Variants in CSMD1 observed in about 807,000 individuals in gnomAD.
CSMD1 encodes the protein CUB and sushi domain-containing protein 1.
A neutral mutation model predicts 417.5 loss-of-function variants in CSMD1; 213 were observed. The observed-to-expected ratio is 0.51, with a 90% CI of 0.46 to 0.57. The LOEUF is 0.57. CSMD1 is among the 20% of genes least tolerant of loss of function. The pLI, the probability that CSMD1 is intolerant of heterozygous loss-of-function variation, is 0.00. For synonymous variants in CSMD1, 2,862 were observed against 1,736.8 expected (o/e 1.65, Z -16.11); for missense variants, 6,923 against 4,529.7 (o/e 1.53, Z -15.17).
chr8:3,902,992 C>A (rs759345955), intron 5 of CSMD1, among the ~76,000 whole-genome samples: 1 of 152,092 alleles, frequency 6.6e-6, no homozygotes, highest in African/African-American at 2.4e-5. Flanking sequence ...TTGTTTTATT[C>A]TTTCTAGTCT....
chr8:4,108,646 C>G (rs190000180), intron 3 of CSMD1, among the ~76,000 whole-genome samples: 2 of 152,298 alleles, frequency 1.3e-5, no homozygotes, highest in South Asian at 2.1e-4. Context: ...TTTTGAAATG[C>G]CACCTGACAC....
intron 3 of CSMD1, among the ~76,000 whole-genome samples, chr8:4,339,053 G>C (rs995454064): frequency 1.3e-5 from 2 of 152,050 alleles, no homozygotes; most frequent in Admixed American, 6.6e-5. Flanking sequence ...AAATCTACCG[G>C]GAACTATTGC....
At chr8:3,861,487 G>A (rs761930478) in intron 5 of CSMD1, among the ~76,000 whole-genome samples, 4 of 152,154 alleles carry the variant, frequency 2.6e-5, no homozygotes, top group Non-Finnish European at 2.9e-5. Context: ...ATTTGGACTC[G>A]TGAGGGCTGT....
chr8:3,278,441 C>T (rs983836040), intron 26 of CSMD1: 4 of 152,150 alleles, frequency 2.6e-5, no homozygotes, highest in Admixed American at 1.3e-4. Flanking sequence ...TAAAAATAGC[C>T]TACTAAGAAA....
At chr8:4,050,523 G>C (rs73658550) in intron 3 of CSMD1, among the ~76,000 whole-genome samples, 5,781 of 151,906 alleles carry the variant, frequency 0.038, 344 homozygotes, top group African/African-American at 0.12. Context: ...CATCCTGGAG[G>C]GGTAAATCTT....
Position 4,224,419 on chromosome 8 carries a change from C to G in CSMD1, c.416-192320G>C, listed in dbSNP as rs550577351. On this transcript the variant is annotated intron_variant, in intron 3 of 69. Transcript: ENST00000635120. ...CTTCAGAAAGTCATATTTAAATACA[C>G]CTAGGAAATCTTTTAAAGCTTATTC... 7.9e-5 allele frequency among the ~76,000 whole-genome samples: 12 copies of G among 152,214 alleles called. No individual in the cohort carries two copies. The South Asian group carries it at 2.3e-3, about 29-fold the overall frequency.
At chr8:3,021,504 T>C (rs1809389164) in intron 51 of CSMD1, among the ~76,000 whole-genome samples, 1 of 152,238 alleles carries the variant, frequency 6.6e-6, no homozygotes, top group African/African-American at 2.4e-5. Flanking sequence ...TAAAAATGAA[T>C]TGCTTACGTT....
At chr8:4,907,568 T>G (rs1159267083) in intron 1 of CSMD1, among the ~76,000 whole-genome samples, 4 of 152,088 alleles carry the variant, frequency 2.6e-5, no homozygotes, top group Non-Finnish European at 5.9e-5. Flanking sequence ...TGTTGTTTTA[T>G]TGGTTTTTTG....
intron 1 of CSMD1, among the ~76,000 whole-genome samples, chr8:4,824,703 A>G (rs1799718945): frequency 1.3e-5 from 2 of 152,202 alleles, no homozygotes; most frequent in Admixed American, 1.3e-4. Flanking sequence ...CCACTGAAAT[A>G]ACTGCTGACA....
intron 5 of CSMD1, among the ~76,000 whole-genome samples, chr8:3,853,736 G>A (rs922539507): frequency 6.6e-6 from 1 of 151,766 alleles, no homozygotes; most frequent in African/African-American, 2.4e-5. Context: ...GGGGGAGCAG[G>A]GAAGGACAGC....
intron 5 of CSMD1, among the ~76,000 whole-genome samples, chr8:3,964,205 G>C (rs1324858678): frequency 1.3e-5 from 2 of 152,258 alleles, no homozygotes; most frequent in East Asian, 1.9e-4. Context: ...TTTTTTTAAA[G>C]ACTGTATAAA....
chr8:4,986,818 T>C (rs933813861), intron 1 of CSMD1, among the ~76,000 whole-genome samples: 9 of 152,300 alleles, frequency 5.9e-5, no homozygotes, highest in African/African-American at 1.7e-4. Context: ...CACAATTTCA[T>C]AGTATAGTAT....
chr8:4,392,468 G>A (rs1286935410), intron 3 of CSMD1, among the ~76,000 whole-genome samples: 1 of 152,040 alleles, frequency 6.6e-6, no homozygotes, highest in Non-Finnish European at 1.5e-5. Flanking sequence ...TCAGTCCATT[G>A]GCATCAAACA....
chr8:4,951,465 G>T (rs990590831), intron 1 of CSMD1, among the ~76,000 whole-genome samples: 6 of 149,754 alleles, frequency 4.0e-5, no homozygotes, highest in African/African-American at 1.5e-4. Context: ...AGGAAAGAAG[G>T]AAGGAAGGAA....
At chr8:3,302,438 C>T (rs1358917223) in intron 25 of CSMD1, among the ~76,000 whole-genome samples, 1 of 152,200 alleles carries the variant, frequency 6.6e-6, no homozygotes, top group Non-Finnish European at 1.5e-5. Context: ...GTTCCCACCT[C>T]AGCTATTTCT....
chr8:3,322,498 G>A (rs1331040074), intron 23 of CSMD1, among the ~76,000 whole-genome samples: 6 of 152,146 alleles, frequency 3.9e-5, no homozygotes, highest in African/African-American at 1.4e-4. Flanking sequence ...TAAGGGTTCT[G>A]GAAGTTTCCA....
chr8:4,294,999 C>G (rs1698145249), intron 3 of CSMD1, among the ~76,000 whole-genome samples: 1 of 149,276 alleles, frequency 6.7e-6, no homozygotes, highest in Admixed American at 6.7e-5. Flanking sequence ...TGATCTGAAC[C>G]CAATCTAAGG....
At chr8:4,932,598 C>T (rs1333043115) in intron 1 of CSMD1, among the ~76,000 whole-genome samples, 3 of 152,264 alleles carry the variant, frequency 2.0e-5, no homozygotes, top group Admixed American at 2.0e-4. Flanking sequence ...AGGATTTTGG[C>T]AAATAGACCC....
intron 3 of CSMD1, among the ~76,000 whole-genome samples, chr8:4,278,565 T>G (rs1415471157): frequency 1.3e-5 from 2 of 152,206 alleles, no homozygotes. Context: ...AACAAAACGT[T>G]AGATAACATA....
Sources: gnomAD v4.1 joint callset for allele counts (sites outside exome capture counted in the v4.1 genomes callset) on GRCh38, gnomAD v4.1.1 for gene constraint, MANE v1.5 for transcripts, NCBI Gene and HGNC (gene_info 2026-07-23, HGNC 2026-07-21) for gene names.